The following SPRING1 variants were observed in gnomAD, a reference collection of about 807,000 sequenced individuals.
SPRING1 encodes SREBF pathway regulator in golgi 1.
In SPRING1, 14 loss-of-function variants were observed where a neutral mutation model predicts 24.7. That is an observed-to-expected ratio of 0.57 (90% CI 0.37 to 0.88). The LOEUF (loss-of-function observed/expected upper bound fraction) is 0.88, where lower values mean the gene tolerates loss of function less well. Ranked by LOEUF, SPRING1 falls within the 40% of genes least tolerant of loss-of-function variation. SPRING1 has a pLI of 0.00. For synonymous variants in SPRING1, 93 were observed against 106.1 expected (o/e 0.88, Z 0.76); for missense variants, 255 against 268.4 (o/e 0.95, Z 0.35).
At position 116,713,712 on chromosome 12, in the gene SPRING1, A is replaced by C. The variant is rs1869971375; in HGVS notation, c.*4098T>G. 1 of 152,232 alleles carries C rather than the reference A, an allele frequency of 6.6e-6. No individual in the cohort carries two copies. The highest frequency in any genetic ancestry group is 6.5e-5 in the Admixed American group (1 of 15,278). 9.4% of individuals were successfully genotyped at this position (152,232 alleles called of 1,614,324 possible). A position where few individuals can be genotyped will look rare whatever the true frequency, so the allele number is the denominator to read the frequency against. ...AGCAGGGAATTAATAATATTATTGT[A>C]TATTCATGAAATTGACACCATGTGG... is the stretch of plus-strand genomic sequence containing the variant. On this transcript the variant is annotated 3_prime_UTR_variant, in exon 5 of 5. Transcript: ENST00000261318.
intron 1 of SPRING1, among the ~76,000 whole-genome samples, chr12:116,730,045 C>T (rs1414526678): frequency 6.6e-6 from 1 of 152,082 alleles, no homozygotes; most frequent in East Asian, 1.9e-4. Flanking sequence ...GAACTACAGG[C>T]ACCCACCACC....
intron 1 of SPRING1, among the ~76,000 whole-genome samples, chr12:116,724,520 C>T (rs1870590120): frequency 6.6e-6 from 1 of 152,150 alleles, no homozygotes; most frequent in African/African-American, 2.4e-5. Context: ...AGTTCAAGGT[C>T]AGCCTGGCCA....
intron 1 of SPRING1, among the ~76,000 whole-genome samples, chr12:116,727,728 C>G (rs1418943141): frequency 6.6e-6 from 1 of 152,090 alleles, no homozygotes; most frequent in East Asian, 1.9e-4. Context: ...AATGAAGAAA[C>G]AGTATGCCTC....
intron 1 of SPRING1, among the ~76,000 whole-genome samples, chr12:116,726,420 T>C (rs1870692943): frequency 6.6e-6 from 1 of 152,198 alleles, no homozygotes; most frequent in South Asian, 2.1e-4. Flanking sequence ...TGTTCTTTAA[T>C]TTACCGTCTT....
rs927630539 is a variant in SPRING1, at chr12:116,717,697, C to T, written c.*113G>A. Reference sequence around the variant, plus strand: ...AGGGGTCAAAGCCAAGGTTTCCTCACGCTGCCTTTGTCTTCTTCCTGCAGC... The same window carrying T: ...AGGGGTCAAAGCCAAGGTTTCCTCATGCTGCCTTTGTCTTCTTCCTGCAGC... On this transcript the variant is annotated 3_prime_UTR_variant, in exon 5 of 5. Coordinates refer to ENST00000261318, the MANE Select transcript of SPRING1 (RefSeq NM_024738.4). The surrounding 1 kb of genome is among the most constrained non-coding windows in gnomAD (Gnocchi z 4.2). 26 of 952,616 alleles carry T rather than the reference C, an allele frequency of 2.7e-5. No homozygotes were observed. The African/African-American group carries it at 3.2e-4, about 12-fold the overall frequency. The allele number at this position is 952,616 out of a possible 1,614,324, so 59.0% of individuals were successfully genotyped here.
intron 1 of SPRING1, among the ~76,000 whole-genome samples, chr12:116,724,825 T>C (rs1870606138): frequency 6.6e-6 from 1 of 152,168 alleles, no homozygotes; most frequent in South Asian, 2.1e-4. Flanking sequence ...CTTTTGCACA[T>C]TAGATTAATG....
At chr12:116,723,278 T>G in intron 1 of SPRING1, 55 bp from the exon 2 acceptor site, 1 of 1,592,750 alleles carries the variant, frequency 6.3e-7, no homozygotes, top group East Asian at 2.2e-5. Context: ...TTCTTACAAT[T>G]TCACCAGTTT....
At chr12:116,736,039 TAAAAAAAAAAA>T (rs34397599) in intron 1 of SPRING1, among the ~76,000 whole-genome samples, 3 of 35,594 alleles carry the variant, frequency 8.4e-5, no homozygotes, top group Middle Eastern at 0.036. Context: ...ACTCAGTCTT[TAAAAAAAAAAA>T]AAAAAAAAAA....
intron 1 of SPRING1, among the ~76,000 whole-genome samples, chr12:116,734,749 G>T (rs373011249): frequency 6.4e-4 from 97 of 152,276 alleles, no homozygotes; most frequent in African/African-American, 2.3e-3. Context: ...AGAAAATAAA[G>T]CAGGTTTATG....
chr12:116,720,307 G>A lies in SPRING1; in HGVS notation c.409C>T (p.Gln137Ter). The change falls in exon 3 of 5, where the codon CAG becomes TAG. Residue 137 changes from glutamine to a stop codon, truncating the protein, a stop_gained. Coordinates refer to ENST00000261318, the MANE Select transcript of SPRING1 (RefSeq NM_024738.4). LOFTEE classifies it high-confidence loss of function. The surrounding 1 kb of genome is among the most constrained non-coding windows in gnomAD (Gnocchi z 4.0). ...AYEYCVSCCLQPNKQLLLERF... is the reference protein window; with the variant it reads ...AYEYCVSCCL ...TCAACTCCCCATACCTTGTTGGGCT[G>A]CAGGCAGCAGGAGACACAGTACTCA... The A allele has an allele frequency of 6.2e-7, 1 of 1,610,084 alleles. No individual in the cohort carries two copies. Among genetic ancestry groups the A allele is most frequent in the South Asian group, 1.1e-5 (1 of 90,374 alleles).
chr12:116,731,388 G>T (rs1405531814), intron 1 of SPRING1, among the ~76,000 whole-genome samples: 1 of 152,128 alleles, frequency 6.6e-6, no homozygotes, highest in Non-Finnish European at 1.5e-5. Context: ...TCCCCTGACA[G>T]AGTCTCAGGG....
chr12:116,723,017 A>C, intron 2 of SPRING1, 50 bp downstream of exon 2: 1 of 1,608,808 alleles, frequency 6.2e-7, no homozygotes, highest in Non-Finnish European at 8.5e-7. Context: ...TGAATGGCCC[A>C]ACCAGCCTAC....
chr12:116,730,649 CTG>C (rs1870929593), intron 1 of SPRING1, among the ~76,000 whole-genome samples: 1 of 152,228 alleles, frequency 6.6e-6, no homozygotes, highest in Admixed American at 6.5e-5. Context: ...TTTTCATAAA[CTG>C]TTCAGATCCA....
At chr12:116,718,995 A>G (rs1870288494) in intron 4 of SPRING1, among the ~76,000 whole-genome samples, 1 of 152,258 alleles carries the variant, frequency 6.6e-6, no homozygotes, top group Admixed American at 6.5e-5. Context: ...AAAGGGTACA[A>G]GAGCTTTGGA....
intron 1 of SPRING1, 46 bp downstream of exon 1, chr12:116,737,740 GAGGA>G (rs1442656501): frequency 6.8e-6 from 10 of 1,467,262 alleles, no homozygotes; most frequent in Admixed American, 6.4e-5. Context: ...AAGTAAGGGG[GAGGA>G]AGGAAGGAAG....
intron 1 of SPRING1, 132 bp downstream of exon 1, chr12:116,737,658 G>T: frequency 9.5e-7 from 1 of 1,052,328 alleles, no homozygotes; most frequent in Non-Finnish European, 1.3e-6. Flanking sequence ...AGAAAGAAAG[G>T]AAGGGAAGGG....
Position 116,738,038 on chromosome 12 carries a change from T to G in SPRING1, c.-138A>C. On this transcript the variant is annotated 5_prime_UTR_variant, in exon 1 of 5. Transcript: ENST00000261318. ...CCCCGCCGCCCGCAGCCCAGTCTGC[T>G]CCCGGCAGCCTTGGGCGCAGCCCCA... The G allele has an allele frequency of 9.1e-7, 1 of 1,095,954 alleles. No homozygotes were observed. The highest frequency in any genetic ancestry group is 4.4e-5 in the South Asian group (1 of 22,840). The allele number at this position is 1,095,954 out of a possible 1,614,324, so 67.9% of individuals were successfully genotyped here.
rs1870213288 is a variant in SPRING1, at chr12:116,717,730, G to T, written c.*80C>A. On this transcript the variant is annotated 3_prime_UTR_variant, in exon 5 of 5. Transcript: ENST00000261318. This position sits in a 1 kb window ranked among gnomAD's most constrained non-coding sequence, Gnocchi z 4.2. ...TTGTCTTCTTCCTGCAGCCTGGCCC[G>T]ATGGCTGAAGCTGGGTCCCAGGAGG... is the stretch of plus-strand genomic sequence containing the variant. 1 of 1,270,574 alleles carries T rather than the reference G, an allele frequency of 7.9e-7. No individual in the cohort carries two copies. The highest frequency in any genetic ancestry group is 1.5e-5 in the African/African-American group (1 of 66,828). The allele number at this position is 1,270,574 out of a possible 1,614,324, so 78.7% of individuals were successfully genotyped here.
chr12:116,734,096 C>T (rs1406403947), intron 1 of SPRING1, among the ~76,000 whole-genome samples: 1 of 152,182 alleles, frequency 6.6e-6, no homozygotes, highest in Non-Finnish European at 1.5e-5. Flanking sequence ...AGGCTGGTCT[C>T]GAACTCCTGA....
Sources: allele counts gnomAD v4.1 joint callset (sites outside exome capture counted in the v4.1 genomes callset), GRCh38; gene constraint gnomAD v4.1.1; non-coding constraint Gnocchi (gnomAD v3.1); transcripts MANE v1.5; gene names NCBI Gene and HGNC (gene_info 2026-07-23, HGNC 2026-07-21).